KAT7: variants seen among roughly 807,000 people sequenced by gnomAD.
KAT7 encodes the protein histone acetyltransferase KAT7.
KAT7 carries 10 observed loss-of-function variants against 82.1 expected under a neutral mutation model. That is an observed-to-expected ratio of 0.12 (90% CI 0.08 to 0.21). KAT7 has a LOEUF of 0.21. Ranked by LOEUF, KAT7 falls within the 10% of genes least tolerant of loss-of-function variation. The pLI is 1.00. For missense variants in KAT7, 378 were observed against 760.9 expected (o/e 0.50, Z 5.92); for synonymous variants, 250 against 262.5 (o/e 0.95, Z 0.46).
At chr17:49,796,576 C>T (rs2073959106) in intron 2 of KAT7, among the ~76,000 whole-genome samples, 174 bp from the exon 3 acceptor site, 1 of 152,094 alleles carries the variant, frequency 6.6e-6, no homozygotes. Flanking sequence ...CATCTGTATA[C>T]CTGAGCTAGG....
At chr17:49,822,893 C>A (rs186967993) in intron 11 of KAT7, among the ~76,000 whole-genome samples, 1 of 152,226 alleles carries the variant, frequency 6.6e-6, no homozygotes, top group Non-Finnish European at 1.5e-5. Flanking sequence ...TCAAAAATTG[C>A]GTTTAAAGTG....
chr17:49,831,290 GAATT>G lies in KAT7; in HGVS notation c.*3789_*3792del, dbSNP rs891082402. 1.3e-5 allele frequency: 2 copies of G among 152,256 alleles called. No individual in the cohort carries two copies. The highest frequency in any genetic ancestry group is 2.4e-5 in the African/African-American group (1 of 41,538). The allele number at this position is 152,256 out of a possible 1,614,324, so 9.4% of individuals were successfully genotyped here. A position where few individuals can be genotyped will look rare whatever the true frequency, so the allele number is the denominator to read the frequency against. On this transcript the variant is annotated 3_prime_UTR_variant, in exon 15 of 15. Transcript: ENST00000259021. Reference sequence around the variant, plus strand: ...GACCCTGTCTCAAAAACAAAAAACAGAATTGATTGATGTTAGTTGGCTTTAGAAG... The same window carrying G: ...GACCCTGTCTCAAAAACAAAAAACAGGATTGATGTTAGTTGGCTTTAGAAG...
intron 9 of KAT7, 69 bp from the exon 10 acceptor site, chr17:49,821,268 T>C: frequency 8.5e-7 from 1 of 1,179,558 alleles, no homozygotes; most frequent in South Asian, 1.3e-5. Context: ...CTGTCATTCC[T>C]TTTCCCTTTT....
chr17:49,809,027 A>G, intron 5 of KAT7, 92 bp from the exon 6 acceptor site: 6 of 961,656 alleles, frequency 6.2e-6, no homozygotes, highest in Non-Finnish European at 8.1e-6. Context: ...AAAGTACAAC[A>G]TAAATCCAAG....
chr17:49,792,132 G>A (rs927957388), intron 2 of KAT7, 99 bp downstream of exon 2: 5 of 1,189,668 alleles, frequency 4.2e-6, no homozygotes, highest in Non-Finnish European at 6.0e-6. Context: ...CCCTTGGCTT[G>A]GTGTAGATGA....
intron 5 of KAT7, 42 bp from the exon 6 acceptor site, chr17:49,809,077 C>T (rs537986305): frequency 7.4e-6 from 11 of 1,482,254 alleles, no homozygotes; most frequent in African/African-American, 5.5e-5. Flanking sequence ...TAAACGTAGT[C>T]TTAGAAGCAG....
At chr17:49,794,301 G>A (rs1440029550) in intron 2 of KAT7, among the ~76,000 whole-genome samples, 2 of 152,070 alleles carry the variant, frequency 1.3e-5, no homozygotes, top group Non-Finnish European at 2.9e-5. Flanking sequence ...TTTTGTTGTT[G>A]TTGAGACAGA....
rs2073841720 is a variant in KAT7, at chr17:49,788,806, T to A, written c.-29T>A. On this transcript the variant is annotated 5_prime_UTR_variant, in exon 1 of 15. Transcript: ENST00000259021. ...CCTGCTGCTGCCGCCGCTGCCCGAATCGGAACCGTCGGGCCGCAGCCGCCG... is the reference window on the plus strand; with the variant it reads ...CCTGCTGCTGCCGCCGCTGCCCGAAACGGAACCGTCGGGCCGCAGCCGCCG... The A allele has an allele frequency of 1.3e-6, 2 of 1,576,194 alleles. No homozygotes were observed. The highest frequency in any genetic ancestry group is 2.4e-5 in the East Asian group (1 of 41,956).
Position 49,788,800 on chromosome 17 carries a change from C to T in KAT7, c.-35C>T, listed in dbSNP as rs747361883. The T allele has an allele frequency of 3.2e-6, 5 of 1,576,414 alleles. No homozygotes were observed. In the African/African-American group the frequency reaches 4.1e-5, roughly 13 times the overall value. ...ACCGTTCCTGCTGCTGCCGCCGCTG[C>T]CCGAATCGGAACCGTCGGGCCGCAG... On this transcript the variant is annotated 5_prime_UTR_variant, in exon 1 of 15. Transcript: ENST00000259021.
At chr17:49,797,144 A>C (rs1375729926) in intron 3 of KAT7, among the ~76,000 whole-genome samples, 3 of 151,810 alleles carry the variant, frequency 2.0e-5, no homozygotes, top group Non-Finnish European at 4.4e-5. Context: ...GCTCACTGCA[A>C]GCTCTGCCTC....
chr17:49,818,065 T>A lies in KAT7; in HGVS notation c.1155+54T>A. 3.4e-6 allele frequency: 5 copies of A among 1,470,960 alleles called. No individual in the cohort carries two copies. In the South Asian group the frequency reaches 4.7e-5, roughly 14 times the overall value. The allele number at this position is 1,470,960 out of a possible 1,614,324, so 91.1% of individuals were successfully genotyped here. A position where few individuals can be genotyped will look rare whatever the true frequency, so the allele number is the denominator to read the frequency against. ...ACCATGATGGCAATAAGCTGTAGGA[T>A]CTCTAGATTTTGCCATAGCGATGGC... On this transcript the variant is annotated intron_variant, in intron 9 of 14. Transcript: ENST00000259021.
chr17:49,817,124 ATAAG>A (rs901042296), intron 8 of KAT7, among the ~76,000 whole-genome samples: 3 of 152,182 alleles, frequency 2.0e-5, no homozygotes, highest in Admixed American at 6.5e-5. Flanking sequence ...GCTTCTGCAG[ATAAG>A]TAAGGCAGAT....
rs2074432200 is a variant in KAT7 at position 49,832,455 on chromosome 17, T to C, written c.*4953T>C. ...CTTTTTTCTTCTGTCCTTGAGACTC[T>C]AATTAAAGCACTGGATTTTTAAAAA... On this transcript the variant is annotated 3_prime_UTR_variant, in exon 15 of 15. Coordinates refer to ENST00000259021, the MANE Select transcript of KAT7 (RefSeq NM_007067.5). 1 of 152,212 alleles carries C rather than the reference T, an allele frequency of 6.6e-6. No homozygotes were observed. 9.4% of individuals were successfully genotyped at this position (152,212 alleles called of 1,614,324 possible).
At chr17:49,791,279 A>G (rs985657905) in intron 1 of KAT7, among the ~76,000 whole-genome samples, 6 of 152,174 alleles carry the variant, frequency 3.9e-5, no homozygotes, top group Non-Finnish European at 7.3e-5. Context: ...AGCACCAACG[A>G]TTTTCTCACT....
intron 2 of KAT7, among the ~76,000 whole-genome samples, chr17:49,796,205 GA>G (rs930694642): frequency 6.6e-6 from 1 of 151,010 alleles, no homozygotes; most frequent in Non-Finnish European, 1.5e-5. Context: ...TAATAAGAAA[GA>G]AAAAAAAATC....
At chr17:49,826,238 C>T in intron 13 of KAT7, 92 bp downstream of exon 13, 1 of 1,309,654 alleles carries the variant, frequency 7.6e-7, no homozygotes, top group Non-Finnish European at 1.1e-6. Flanking sequence ...GAACGGAAGG[C>T]CCACTGAATA....
chr17:49,802,669 CAAA>C (rs753218485), intron 4 of KAT7, among the ~76,000 whole-genome samples: 1 of 116,382 alleles, frequency 8.6e-6, no homozygotes, highest in Non-Finnish European at 1.9e-5. Flanking sequence ...AACTCCATCT[CAAA>C]AAAAAAAAAA....
At chr17:49,825,887 C>G in intron 12 of KAT7, 113 bp from the exon 13 acceptor site, 1 of 1,064,178 alleles carries the variant, frequency 9.4e-7, no homozygotes, top group Non-Finnish European at 1.4e-6. Context: ...ATGACTAAAT[C>G]CTAATGGAGT....
intron 7 of KAT7, chr17:49,815,549 A>C (rs542995583): frequency 8.8e-6 from 3 of 342,084 alleles, no homozygotes; most frequent in East Asian, 9.2e-5. Context: ...GTATCTTTTC[A>C]GAGATAGAAG....
Sources: allele counts gnomAD v4.1 joint callset (sites outside exome capture counted in the v4.1 genomes callset), GRCh38; gene constraint gnomAD v4.1.1; transcripts MANE v1.5; gene names NCBI Gene and HGNC (gene_info 2026-07-23, HGNC 2026-07-21).